The following POLR2H variants were observed in gnomAD, a reference collection of about 807,000 sequenced individuals.
POLR2H encodes the protein DNA-directed RNA polymerases I, II, and III subunit RPABC3.
POLR2H carries 3 observed loss-of-function variants against 18.1 expected under a neutral mutation model. The observed-to-expected ratio is 0.17, with a 90% confidence interval of 0.08 to 0.43. The LOEUF is 0.43. Among genes scored for constraint, POLR2H ranks in the 20% least tolerant of loss-of-function variants. The pLI is 0.99. For missense variants in POLR2H, 103 were observed against 184.6 expected, an observed-to-expected ratio of 0.56 and a Z score of 2.56; for synonymous variants, 76 against 69.0, an observed-to-expected ratio of 1.10 and a Z score of -0.50.
intron 2 of POLR2H, among the ~76,000 whole-genome samples, 182 bp downstream of exon 2, chr3:184,363,747 C>T (rs2108594426): frequency 6.6e-6 from 1 of 152,316 alleles, no homozygotes; most frequent in East Asian, 1.9e-4. Flanking sequence ...TCTGGCTTCA[C>T]GCATGCCGTG....
intron 4 of POLR2H, chr3:184,366,514 A>AT: frequency 2.8e-6 from 1 of 355,100 alleles, no homozygotes; most frequent in Non-Finnish European, 5.3e-6. Context: ...ATTTTTTTGT[A>AT]TTTTTAGTAG....
intron 2 of POLR2H, among the ~76,000 whole-genome samples, chr3:184,364,284 T>C (rs886227576): frequency 6.6e-6 from 1 of 151,824 alleles, no homozygotes; most frequent in Non-Finnish European, 1.5e-5. Flanking sequence ...GGCTGGAGTG[T>C]AGTGGCACGA....
rs1308473307 is a variant in POLR2H, at chr3:184,363,021, GCGCGGACTGTGCCCTCGGCGGGCA to G, written c.-464_-441del. On this transcript the variant is annotated 5_prime_UTR_variant, in exon 2 of 6. Coordinates refer to ENST00000456318, the MANE Select transcript of POLR2H (RefSeq NM_006232.5). ...CGGGGTTCTGCTCCACCTGCCCTCG[GCGCGGACTGTGCCCTCGGCGGGCA>G]CGCGGACCGGCGGGGTAGGGCTAGG... 7 of 210,810 alleles carry G rather than the reference GCGCGGACTGTGCCCTCGGCGGGCA, an allele frequency of 3.3e-5. No individual in the cohort carries two copies. Among genetic ancestry groups the G allele is most frequent in the Non-Finnish European group, 6.9e-5 (7 of 101,926 alleles). The allele number at this position is 210,810 out of a possible 1,614,324, so 13.1% of individuals were successfully genotyped here. A position where few individuals can be genotyped will look rare whatever the true frequency, so the allele number is the denominator to read the frequency against.
chr3:184,366,618 T>G (rs568731494), intron 4 of POLR2H, 99 bp from the exon 5 acceptor site: 59 of 703,990 alleles, frequency 8.4e-5, no homozygotes, highest in South Asian at 1.6e-4. Context: ...GGTTACAGGC[T>G]TGAGCCACCA....
intron 2 of POLR2H, 98 bp from the exon 3 acceptor site, chr3:184,364,868 G>A: frequency 1.3e-6 from 1 of 786,890 alleles, no homozygotes; most frequent in African/African-American, 1.7e-5. Context: ...ACCACTGGAT[G>A]TAGACTGGGT....
rs1458638539 is a variant in POLR2H at position 184,368,547 on chromosome 3, C to T, written c.*253C>T. ...AACTTTACTTTTTCAGACTGCCCCT[C>T]CCCTTTTTGTAAAAAGTCCATTTAC... On this transcript the variant is annotated 3_prime_UTR_variant, in exon 6 of 6. Coordinates refer to ENST00000456318, the MANE Select transcript of POLR2H (RefSeq NM_006232.5). 2.7e-6 allele frequency: 1 copy of T among 370,706 alleles called. No homozygotes were observed. The highest frequency in any genetic ancestry group is 4.8e-6 in the Non-Finnish European group (1 of 207,232). The allele number at this position is 370,706 out of a possible 1,614,324, so 23.0% of individuals were successfully genotyped here.
chr3:184,363,092 G>A lies in POLR2H; in HGVS notation c.-401G>A, dbSNP rs1712524573. 1 of 294,722 alleles carries A rather than the reference G, an allele frequency of 3.4e-6. No individual in the cohort carries two copies. Among genetic ancestry groups the A allele is most frequent in the East Asian group, 1.2e-4 (1 of 8,034 alleles). The allele number at this position is 294,722 out of a possible 1,614,324, so 18.3% of individuals were successfully genotyped here. A position where few individuals can be genotyped will look rare whatever the true frequency, so the allele number is the denominator to read the frequency against. ...TAGGGCCCGGCTTCTCTGGGCCAAG[G>A]ATCAAGGTCCCTGCCTGGGTTAGGC... is the stretch of plus-strand genomic sequence containing the variant. On this transcript the variant is annotated 5_prime_UTR_variant, in exon 2 of 6. Transcript: ENST00000456318.
chr3:184,368,090 A>G, intron 5 of POLR2H, 87 bp from the exon 6 acceptor site: 1 of 1,607,980 alleles, frequency 6.2e-7, no homozygotes, highest in Non-Finnish European at 8.5e-7. Flanking sequence ...CAACAGTAGG[A>G]AGATGCCTCT....
intron 4 of POLR2H, 153 bp from the exon 5 acceptor site, chr3:184,366,563 CT>C: frequency 1.9e-6 from 1 of 514,724 alleles, no homozygotes; most frequent in Non-Finnish European, 3.6e-6. Context: ...TGGTCTCGAT[CT>C]CCTGACCTCG....
chr3:184,365,715 T>A (rs7652854), intron 4 of POLR2H, among the ~76,000 whole-genome samples: 18,034 of 151,500 alleles, frequency 0.12, 1,297 homozygotes, highest in African/African-American at 0.22. Context: ...GGCTCACGCC[T>A]GTAATCCCAG....
intron 2 of POLR2H, 134 bp from the exon 3 acceptor site, chr3:184,364,832 T>C: frequency 3.1e-6 from 2 of 652,448 alleles, no homozygotes; most frequent in Non-Finnish European, 5.5e-6. Flanking sequence ...TGATTGAGCC[T>C]GAATTTCTAT....
At chr3:184,365,538 T>G (rs1263668628) in intron 4 of POLR2H, 4 of 345,548 alleles carry the variant, frequency 1.2e-5, no homozygotes, top group African/African-American at 4.3e-5. Flanking sequence ...GGGCATGGTG[T>G]CATGTGCCTG....
chr3:184,362,684 G>A lies in POLR2H; in HGVS notation c.-620-189G>A, dbSNP rs1315003580. Reference sequence around the variant, plus strand: ...GCACGGAGGGGATCCGTGTCCAGGAGAAGGCAGTGGAGGGGGAACGCGCAG... The same window carrying A: ...GCACGGAGGGGATCCGTGTCCAGGAAAAGGCAGTGGAGGGGGAACGCGCAG... On this transcript the variant is annotated intron_variant, in intron 1 of 5. Transcript: ENST00000456318. The surrounding 1 kb of genome is among the most constrained non-coding windows in gnomAD (Gnocchi z 5.9). 3 of 149,780 alleles carry A rather than the reference G, an allele frequency of 2.0e-5. No individual in the cohort carries two copies. Among genetic ancestry groups the A allele is most frequent in the African/African-American group, 7.4e-5 (3 of 40,308 alleles). 9.3% of individuals were successfully genotyped at this position (149,780 alleles called of 1,614,324 possible).
intron 5 of POLR2H, among the ~76,000 whole-genome samples, chr3:184,367,549 C>T (rs990471766): frequency 1.9e-4 from 29 of 150,848 alleles, no homozygotes; most frequent in Admixed American, 1.3e-3. Flanking sequence ...TGCAGTGGCG[C>T]GATCTCGGCT....
rs1368033883 is a variant in POLR2H, at chr3:184,366,663, T to C, written c.252-54T>C. Reference sequence around the variant, plus strand: ...GACCAGTAACCATTTTTAAATGGGATCTTTTATATTGTTAATTACTGTTAA... The same window carrying C: ...GACCAGTAACCATTTTTAAATGGGACCTTTTATATTGTTAATTACTGTTAA... On this transcript the variant is annotated intron_variant, in intron 4 of 5. Transcript: ENST00000456318. The C allele has an allele frequency of 2.8e-6, 3 of 1,078,790 alleles. No individual in the cohort carries two copies. The African/African-American group carries it at 4.7e-5, about 17-fold the overall frequency. 66.8% of individuals were successfully genotyped at this position (1,078,790 alleles called of 1,614,324 possible). A position where few individuals can be genotyped will look rare whatever the true frequency, so the allele number is the denominator to read the frequency against.
At position 184,363,034 on chromosome 3, in the gene POLR2H, C is replaced by T. The variant is rs1712504429; in HGVS notation, c.-459C>T. ...CACCTGCCCTCGGCGCGGACTGTGCCCTCGGCGGGCACGCGGACCGGCGGG... is the reference window on the plus strand; with the variant it reads ...CACCTGCCCTCGGCGCGGACTGTGCTCTCGGCGGGCACGCGGACCGGCGGG... On this transcript the variant is annotated 5_prime_UTR_variant, in exon 2 of 6. Transcript: ENST00000456318. 24 of 218,862 alleles carry T rather than the reference C, an allele frequency of 1.1e-4. 1 individual carries two copies. In the South Asian group the frequency reaches 1.2e-3, roughly 11 times the overall value. 13.6% of individuals were successfully genotyped at this position (218,862 alleles called of 1,614,324 possible).
In POLR2H at chr3:184,368,283, C is replaced by A; in HGVS notation, c.442C>A (p.Leu148Ile). The change falls in exon 6 of 6, where the codon CTA (leucine) becomes ATA (isoleucine). Residue 148 changes from leucine to isoleucine, a missense_variant. Physicochemically the swap from Leu to Ile is conservative, Grantham distance 5. Coordinates refer to ENST00000456318, the MANE Select transcript of POLR2H (RefSeq NM_006232.5). ...CAGAGTTTATCTCCTGATGAAGAAG[C>A]TAGCCTTCTGAACCTCGCCTGAAGC... Reference protein sequence around the residue: ...DSRVYLLMKKLAF With the variant: ...DSRVYLLMKKIAF The A allele has an allele frequency of 1.3e-6, 2 of 1,599,324 alleles. No homozygotes were observed. Among genetic ancestry groups the A allele is most frequent in the Non-Finnish European group, 1.7e-6 (2 of 1,170,608 alleles).
rs1021581933 is a variant in POLR2H, at chr3:184,362,679, CAGG to C, written c.-620-191_-620-189del. 3 of 139,838 alleles carry C rather than the reference CAGG, an allele frequency of 2.1e-5. No homozygotes were observed. The highest frequency in any genetic ancestry group is 4.5e-5 in the Non-Finnish European group (3 of 66,978). The allele number at this position is 139,838 out of a possible 1,614,324, so 8.7% of individuals were successfully genotyped here. ...AAGGGGCACGGAGGGGATCCGTGTC[CAGG>C]AGAAGGCAGTGGAGGGGGAACGCGC... On this transcript the variant is annotated intron_variant, in intron 1 of 5. Coordinates refer to ENST00000456318, the MANE Select transcript of POLR2H (RefSeq NM_006232.5). The surrounding 1 kb of genome is among the most constrained non-coding windows in gnomAD (Gnocchi z 5.9).
rs766789138 is a variant in POLR2H, at chr3:184,365,817, CA to C, written c.251+600del. On this transcript the variant is annotated intron_variant, in intron 4 of 5. Coordinates refer to ENST00000456318, the MANE Select transcript of POLR2H (RefSeq NM_006232.5). ...TGAAACCCCGTCTCTACTAAAAATA[CA>C]AAAAAAAATTAGCCGGGCGTAGTGG... Among the ~76,000 whole-genome samples the C allele has an allele frequency of 6.0e-5, 9 of 148,904 alleles. No homozygotes were observed. The South Asian group carries it at 1.5e-3, about 25-fold the overall frequency.
Sources: gnomAD v4.1 joint callset for allele counts (sites outside exome capture counted in the v4.1 genomes callset) on GRCh38, gnomAD v4.1.1 for gene constraint, Gnocchi (gnomAD v3.1) non-coding constraint, MANE v1.5 for transcripts, NCBI Gene and HGNC (gene_info 2026-07-23, HGNC 2026-07-21) for gene names.